USP54: variants seen among roughly 807,000 people sequenced by gnomAD.
USP54 encodes the protein ubiquitin carboxyl-terminal hydrolase 54.
Under a neutral mutation model 170.5 loss-of-function variants are expected in USP54, and 87 were observed. The observed-to-expected ratio is 0.51, with a 90% confidence interval of 0.43 to 0.61. USP54 has a LOEUF of 0.61. USP54 is among the 20% of genes least tolerant of loss of function. USP54 has a pLI of 0.00. For missense variants in USP54, 1,786 were observed against 2,047.8 expected (o/e 0.87, Z 2.47); for synonymous variants, 655 against 742.8 (o/e 0.88, Z 1.92).
chr10:73,609,350 G>A (rs569153481), intron 1 of USP54, among the ~76,000 whole-genome samples: 4 of 152,266 alleles, frequency 2.6e-5, no homozygotes, highest in South Asian at 4.2e-4. Flanking sequence ...AGCTCAGCCC[G>A]GGTCAGAAAT....
chr10:73,548,867 G>C (rs2068547897), intron 4 of USP54, among the ~76,000 whole-genome samples: 1 of 152,092 alleles, frequency 6.6e-6, no homozygotes, highest in South Asian at 2.1e-4. Flanking sequence ...AGAACTTAAA[G>C]TATAATTTTA....
Position 73,523,626 on chromosome 10 carries a change from A to C in USP54, c.2319T>G (p.Pro773=). ...CCAAGTCCATGAAGCGGCTAGGATG[A>C]GGGTTAAACCCTTTCGCTGCCTCTA... ...KELEAAKGFN[P]HPSRFMDLDE... is the part of the protein sequence containing the mutation. Residue 773 remains proline (P), a synonymous_variant, in exon 17 of 24, where the codon CCT becomes CCG. Coordinates refer to ENST00000687698, the MANE Select transcript of USP54 (RefSeq NM_001391956.1). 1 of 1,612,026 alleles carries C rather than the reference A, an allele frequency of 6.2e-7. No individual in the cohort carries two copies.
upstream of USP54, among the ~76,000 whole-genome samples, chr10:73,594,416 C>T (rs1589360097): frequency 6.6e-6 from 1 of 151,484 alleles, no homozygotes; most frequent in African/African-American, 2.4e-5. Context: ...AATTTGGGAA[C>T]TTTTTAAGAG....
intron 20 of USP54, among the ~76,000 whole-genome samples, chr10:73,514,415 A>G (rs1589915672): frequency 6.6e-6 from 1 of 152,058 alleles, no homozygotes; most frequent in African/African-American, 2.4e-5. Flanking sequence ...TATAAAAATT[A>G]GCTGGGCGTG....
chr10:73,573,420 G>A (rs2075570892), intron 3 of USP54, among the ~76,000 whole-genome samples: 1 of 152,104 alleles, frequency 6.6e-6, no homozygotes, highest in Non-Finnish European at 1.5e-5. Context: ...TTTTTCTATA[G>A]GCTTGCCAGC....
chr10:73,512,491 A>G (rs141923170), intron 20 of USP54, among the ~76,000 whole-genome samples: 1 of 152,172 alleles, frequency 6.6e-6, no homozygotes, highest in Non-Finnish European at 1.5e-5. Context: ...TCTAACAAAA[A>G]TAAAGACTAG....
At chr10:73,543,185 A>C (rs1261795640) in intron 5 of USP54, 54 bp from the exon 6 acceptor site, 5 of 1,265,916 alleles carry the variant, frequency 3.9e-6, no homozygotes, top group African/African-American at 1.5e-5. Flanking sequence ...AGACAAATAC[A>C]TAAATTGGTA....
chr10:73,579,397 T>C (rs1248932901), intron 1 of USP54, among the ~76,000 whole-genome samples: 2 of 152,148 alleles, frequency 1.3e-5, no homozygotes, highest in Non-Finnish European at 2.9e-5. Flanking sequence ...TATTTGCAAG[T>C]CACATAATAG....
At chr10:73,608,433 T>G (rs886566787) in intron 1 of USP54, among the ~76,000 whole-genome samples, 2 of 152,192 alleles carry the variant, frequency 1.3e-5, no homozygotes, top group Non-Finnish European at 2.9e-5. Context: ...AATCACTATC[T>G]TTTAAAACTT....
rs1481839419 is a variant in USP54 at position 73,501,667 on chromosome 10, T to C, written c.4312-829A>G. On this transcript the variant is annotated intron_variant, in intron 22 of 23. Transcript: ENST00000687698. ...TTCCTATCTCCCATCCACTCCTCCT[T>C]ACTGTGGCCTACAAGGTCCTGTGTG... Among the ~76,000 whole-genome samples the C allele has an allele frequency of 2.0e-5, 3 of 152,172 alleles. No individual in the cohort carries two copies. The East Asian group carries it at 5.8e-4, about 29-fold the overall frequency.
chr10:73,507,266 A>C (rs1473208905), intron 20 of USP54: 1 of 151,862 alleles, frequency 6.6e-6, no homozygotes, highest in Non-Finnish European at 1.5e-5. Context: ...AATTGTCTAT[A>C]ATAAAAACAG....
intron 1 of USP54, among the ~76,000 whole-genome samples, chr10:73,613,555 A>G (rs1270432435): frequency 2.6e-5 from 4 of 152,128 alleles, no homozygotes. Context: ...AAACAGAGAT[A>G]GGCAAAGACG....
At chr10:73,558,523 G>A (rs752485061) in intron 4 of USP54, among the ~76,000 whole-genome samples, 21 of 152,014 alleles carry the variant, frequency 1.4e-4, no homozygotes, top group Non-Finnish European at 2.6e-4. Context: ...ATGAACCACC[G>A]CACCTGGCCT....
chr10:73,591,599 C>T (rs1404314773), upstream of USP54: 1 of 152,182 alleles, frequency 6.6e-6, no homozygotes, highest in East Asian at 1.9e-4. Context: ...CCAAAAGTAA[C>T]TTGAAAGGAC....
intron 1 of USP54, among the ~76,000 whole-genome samples, chr10:73,608,785 T>A (rs2079891220): frequency 6.6e-6 from 1 of 152,102 alleles, no homozygotes; most frequent in South Asian, 2.1e-4. Flanking sequence ...TAGTCCCAGC[T>A]ACACAGGAGG....
intron 3 of USP54, among the ~76,000 whole-genome samples, chr10:73,571,997 A>T (rs772527636): frequency 6.6e-6 from 1 of 152,200 alleles, no homozygotes; most frequent in Non-Finnish European, 1.5e-5. Context: ...AAAAATAATG[A>T]TTTTTATACT....
At chr10:73,576,510 A>G (rs1442586546) in intron 1 of USP54, 149 bp from the exon 2 acceptor site, 2 of 151,878 alleles carry the variant, frequency 1.3e-5, no homozygotes, top group Non-Finnish European at 2.9e-5. Context: ...AAAAAAGAAA[A>G]AAAAAAAAAA....
chr10:73,564,917 A>C (rs1427715504), intron 4 of USP54, among the ~76,000 whole-genome samples: 5 of 148,384 alleles, frequency 3.4e-5, no homozygotes, highest in Non-Finnish European at 7.5e-5. Context: ...AAAAAAAAAA[A>C]AAAAAAAGGA....
intron 1 of USP54, among the ~76,000 whole-genome samples, chr10:73,622,832 T>C (rs1027999118): frequency 6.6e-6 from 1 of 151,504 alleles, no homozygotes; most frequent in East Asian, 2.0e-4. Flanking sequence ...TCCCAGCTCC[T>C]GGAGAGGCTG....
Sources: allele counts gnomAD v4.1 joint callset (sites outside exome capture counted in the v4.1 genomes callset), GRCh38; gene constraint gnomAD v4.1.1; transcripts MANE v1.5; gene names NCBI Gene and HGNC (gene_info 2026-07-23, HGNC 2026-07-21).